ARMC8: variants seen among roughly 807,000 people sequenced by gnomAD.
The protein encoded by ARMC8 is armadillo repeat containing 8.
Under a neutral mutation model 99.3 loss-of-function variants are expected in ARMC8, and 20 were observed. The observed-to-expected ratio is 0.20, with a 90% CI of 0.14 to 0.29. ARMC8 has a LOEUF of 0.29. ARMC8 is among the 10% of genes least tolerant of loss of function. The pLI is 1.00. For synonymous variants in ARMC8, 263 were observed against 278.3 expected, an observed-to-expected ratio of 0.95 and a Z score of 0.55; for missense variants, 569 against 809.5, an observed-to-expected ratio of 0.70 and a Z score of 3.60.
chr3:138,221,966 G>A lies in ARMC8; in HGVS notation c.163G>A (p.Ala55Thr). 1.2e-6 allele frequency: 2 copies of A among 1,613,570 alleles called. No individual in the cohort carries two copies. Among genetic ancestry groups the A allele is most frequent in the Non-Finnish European group, 1.7e-6 (2 of 1,179,700 alleles). Residue 55 changes from alanine to threonine, a missense_variant, in exon 3 of 22, where the codon GCC (alanine) becomes ACC (threonine). Coordinates refer to ENST00000469044, the MANE Select transcript of ARMC8 (RefSeq NM_001363941.2). The part of the protein sequence containing the change: ...NAVIGNNKQK[A>T]NLIVLGAVPR... ...TGTAATTGGAAACAACAAGCAGAAA[G>A]CCAATCTCATTGTTTTAGGAGCTGT...
At chr3:138,196,985 A>T (rs1002672526) in intron 1 of ARMC8, among the ~76,000 whole-genome samples, 2 of 152,146 alleles carry the variant, frequency 1.3e-5, no homozygotes, top group Non-Finnish European at 2.9e-5. Context: ...AAGAGCTACA[A>T]TTTTTTACCC....
chr3:138,258,820 C>G (rs1384911841), intron 12 of ARMC8, among the ~76,000 whole-genome samples: 1 of 152,208 alleles, frequency 6.6e-6, no homozygotes, highest in African/African-American at 2.4e-5. Flanking sequence ...TAGTTTACAG[C>G]CCAGGCCCCT....
At chr3:138,229,312 G>A (rs1039433175) in intron 6 of ARMC8, among the ~76,000 whole-genome samples, 1 of 146,776 alleles carries the variant, frequency 6.8e-6, no homozygotes, top group Admixed American at 6.8e-5. Flanking sequence ...TTCCATATCA[G>A]TACATAAGGA....
intron 6 of ARMC8, among the ~76,000 whole-genome samples, chr3:138,234,457 A>G (rs142183439): frequency 9.7e-4 from 148 of 152,308 alleles, no homozygotes; most frequent in African/African-American, 3.4e-3. Flanking sequence ...ATGGAAACCA[A>G]AACACGTTGT....
At position 138,274,196 on chromosome 3, in the gene ARMC8, T is replaced by G. The variant is rs146099830; in HGVS notation, c.1630-253T>G. On this transcript the variant is annotated intron_variant, in intron 17 of 21. Transcript: ENST00000469044. ...GCTTTCATATTCTGTCAGGTCAACT[T>G]TATGTATGTATGTATGTATGTGTAA... Among the ~76,000 whole-genome samples the G allele has an allele frequency of 1.2e-4, 18 of 151,936 alleles. No individual in the cohort carries two copies. In the South Asian group the frequency reaches 3.7e-3, roughly 32 times the overall value.
At chr3:138,256,402 C>CTTTTTTTTTT (rs71146121) in intron 12 of ARMC8, among the ~76,000 whole-genome samples, 15 of 90,274 alleles carry the variant, frequency 1.7e-4, no homozygotes, top group African/African-American at 4.5e-4. Context: ...TTTCCTCCTT[C>CTTTTTTTTTT]TTTTTTTTTT....
At chr3:138,221,903 A>T (rs771633462) in intron 2 of ARMC8, 23 bp from the exon 3 acceptor site, 1 of 1,583,048 alleles carries the variant, frequency 6.3e-7, no homozygotes, top group Non-Finnish European at 8.7e-7. Flanking sequence ...AACATACTTT[A>T]TTTTTTCTTC....
At chr3:138,279,581 T>C (rs2049670529) in intron 18 of ARMC8, among the ~76,000 whole-genome samples, 1 of 152,212 alleles carries the variant, frequency 6.6e-6, no homozygotes, top group African/African-American at 2.4e-5. Flanking sequence ...GTGTTCGCTC[T>C]TCAATTTTCT....
At position 138,235,098 on chromosome 3, in the gene ARMC8, C is replaced by G; in HGVS notation, c.593C>G (p.Thr198Ser). ...GTTCAGAATATTGCTCACCTACTAA[C>G]CTCACTGTCCTACAAAGTAAGATGT... ...GAVQNIAHLLTSLSYKVRMQA... is the reference protein window; with the variant it reads ...GAVQNIAHLLSSLSYKVRMQA... The change falls in exon 7 of 22, where the codon ACC (threonine) becomes AGC (serine). Residue 198 changes from threonine (T) to serine (S), a missense_variant. This residue lies in a region of ARMC8 where 342 missense variants were observed against 391.6 expected (regional missense o/e 0.87). Coordinates refer to ENST00000469044, the MANE Select transcript of ARMC8 (RefSeq NM_001363941.2). 2.5e-6 allele frequency: 4 copies of G among 1,613,248 alleles called. No individual in the cohort carries two copies. Among genetic ancestry groups the G allele is most frequent in the Non-Finnish European group, 3.4e-6 (4 of 1,179,356 alleles).
At chr3:138,292,530 CT>C (rs1436631888) in intron 21 of ARMC8, among the ~76,000 whole-genome samples, 1 of 152,126 alleles carries the variant, frequency 6.6e-6, no homozygotes, top group Non-Finnish European at 1.5e-5. Flanking sequence ...ACCAACGGGA[CT>C]TACTCACAGA....
intron 10 of ARMC8, 142 bp from the exon 11 acceptor site, chr3:138,241,641 C>A: frequency 5.4e-6 from 4 of 740,350 alleles, no homozygotes; most frequent in Non-Finnish European, 6.4e-6. Flanking sequence ...TTAAAAAAAT[C>A]TTTTATTCTC....
At position 138,251,942 on chromosome 3, in the gene ARMC8, T is replaced by C. The variant is rs999794850; in HGVS notation, c.1134+6759T>C. Among the ~76,000 whole-genome samples the C allele has an allele frequency of 7.2e-5, 11 of 152,212 alleles. 1 individual carries two copies. In the South Asian group the frequency reaches 2.1e-3, roughly 29 times the overall value. ...AATATCTTTATTAGATCTGTAAATC[T>C]AAATGTTGTGACTTAGTTGGATTTT... is the stretch of plus-strand genomic sequence containing the variant. On this transcript the variant is annotated intron_variant, in intron 12 of 21. Coordinates refer to ENST00000469044, the MANE Select transcript of ARMC8 (RefSeq NM_001363941.2).
At chr3:138,242,984 G>T (rs770695688) in intron 11 of ARMC8, among the ~76,000 whole-genome samples, 1 of 152,266 alleles carries the variant, frequency 6.6e-6, no homozygotes, top group South Asian at 2.1e-4. Context: ...CAGTAGAAGT[G>T]ATGGGTTACA....
chr3:138,245,704 C>T, intron 12 of ARMC8: 3 of 991,794 alleles, frequency 3.0e-6, no homozygotes, highest in Non-Finnish European at 3.6e-6. Flanking sequence ...AGTGAGTGGT[C>T]ATCTGAATTT....
chr3:138,231,691 C>T (rs879403182), intron 6 of ARMC8, among the ~76,000 whole-genome samples: 2 of 151,854 alleles, frequency 1.3e-5, no homozygotes, highest in Non-Finnish European at 2.9e-5. Flanking sequence ...CTGAGAGGAT[C>T]CCTTGAGCGA....
rs1003997848 is a variant in ARMC8 at position 138,296,910 on chromosome 3, A to T, written c.*1018A>T. 6.6e-6 allele frequency: 1 copy of T among 152,218 alleles called. No homozygotes were observed. Among genetic ancestry groups the T allele is most frequent in the Non-Finnish European group, 1.5e-5 (1 of 68,044 alleles). The allele number at this position is 152,218 out of a possible 1,614,324, so 9.4% of individuals were successfully genotyped here. ...TGGCCAGATTTAGAACCAGTCATGG[A>T]AACTTGTGCTCAAACTAAAAGTAGG... is the stretch of plus-strand genomic sequence containing the variant. On this transcript the variant is annotated 3_prime_UTR_variant, in exon 22 of 22. Coordinates refer to ENST00000469044, the MANE Select transcript of ARMC8 (RefSeq NM_001363941.2).
chr3:138,273,851 C>T (rs1296502994), intron 17 of ARMC8, among the ~76,000 whole-genome samples: 5 of 150,060 alleles, frequency 3.3e-5, no homozygotes, highest in South Asian at 2.1e-4. Context: ...GAGTCTTGCT[C>T]TTTCCCCCAG....
At chr3:138,262,526 T>C (rs768857212) in intron 12 of ARMC8, 6 of 1,612,852 alleles carry the variant, frequency 3.7e-6, no homozygotes, top group Non-Finnish European at 4.2e-6. Context: ...GTCAGACTTC[T>C]GAATCCTCTC....
chr3:138,187,882 C>A (rs1166052771), intron 1 of ARMC8: 2 of 487,546 alleles, frequency 4.1e-6, no homozygotes, highest in Non-Finnish European at 7.3e-6. Flanking sequence ...ACTGGCTGGG[C>A]GGCGCGGCTT....
Sources: allele counts gnomAD v4.1 joint callset (sites outside exome capture counted in the v4.1 genomes callset), GRCh38; gene constraint gnomAD v4.1.1; regional missense constraint gnomAD v4.1.1; transcripts MANE v1.5; gene names NCBI Gene and HGNC (gene_info 2026-07-23, HGNC 2026-07-21).